The following LRP2 variants were observed in gnomAD, a reference collection of about 807,000 sequenced individuals.
LRP2 encodes the protein LDL receptor related protein 2, also known as low-density lipoprotein receptor-related protein 2.
Under a neutral mutation model 531.0 loss-of-function variants are expected in LRP2, and 172 were observed. The ratio of observed to expected loss-of-function variants is 0.32; its 90% CI spans 0.29 to 0.37. The LOEUF is 0.37. Among genes scored for constraint, LRP2 ranks in the 10% least tolerant of loss-of-function variants. LRP2 has a pLI of 1.00. For synonymous variants in LRP2, 1,992 were observed against 2,027.6 expected (o/e 0.98, Z 0.47); for missense variants, 5,167 against 5,868.3 (o/e 0.88, Z 3.90).
intron 7 of LRP2, among the ~76,000 whole-genome samples, chr2:169,291,992 T>A (rs1187962779): frequency 1.3e-5 from 2 of 152,184 alleles, no homozygotes; most frequent in Non-Finnish European, 2.9e-5. Context: ...AGACAGAGAC[T>A]GTCCTACCTA....
intron 1 of LRP2, among the ~76,000 whole-genome samples, chr2:169,350,790 C>T (rs1007953077): frequency 6.0e-5 from 9 of 149,506 alleles, no homozygotes; most frequent in Non-Finnish European, 1.3e-4. Context: ...GGACAAGTGG[C>T]CCTGGGTCCT....
At chr2:169,294,466 A>T in intron 5 of LRP2, 134 bp downstream of exon 5, 1 of 782,278 alleles carries the variant, frequency 1.3e-6, no homozygotes, top group South Asian at 1.5e-5. Flanking sequence ...AAATACTCCT[A>T]CCAACGGCTG....
intron 1 of LRP2, among the ~76,000 whole-genome samples, chr2:169,329,010 G>T (rs1482002488): frequency 6.6e-6 from 1 of 152,230 alleles, no homozygotes; most frequent in African/African-American, 2.4e-5. Flanking sequence ...AGGTAGTGGA[G>T]CACAGATTTA....
At chr2:169,145,694 G>T in intron 70 of LRP2, 53 bp downstream of exon 70, 4 of 1,555,692 alleles carry the variant, frequency 2.6e-6, no homozygotes, top group Non-Finnish European at 3.5e-6. Context: ...CCATTATTTT[G>T]AAATAAGATT....
rs61381788 is a variant in LRP2 at position 169,158,061 on chromosome 2, TACAC to T, written c.11888-563_11888-560del. Among the ~76,000 whole-genome samples, 239 of 141,464 alleles carry T rather than the reference TACAC, an allele frequency of 1.7e-3. 5 individuals are homozygous for T. In the South Asian group the frequency reaches 0.043, roughly 25 times the overall value. 92.8% of individuals were successfully genotyped at this position (141,464 alleles called of 152,430 possible). A position where few individuals can be genotyped will look rare whatever the true frequency, so the allele number is the denominator to read the frequency against. On this transcript the variant is annotated intron_variant, in intron 63 of 78. Transcript: ENST00000649046. Reference sequence around the variant, plus strand: ...CCCTAACATTGACCAATTGATTATATACACACACACACACACACACACACACACA... The same window carrying T: ...CCCTAACATTGACCAATTGATTATATACACACACACACACACACACACACA...
chr2:169,344,493 T>G, intron 1 of LRP2, among the ~76,000 whole-genome samples: 1 of 152,280 alleles, frequency 6.6e-6, no homozygotes, highest in Non-Finnish European at 1.5e-5. Flanking sequence ...GTAACAACAT[T>G]TTAGTTGTAT....
At chr2:169,161,603 A>G (rs562074854) in intron 63 of LRP2, among the ~76,000 whole-genome samples, 42 of 152,144 alleles carry the variant, frequency 2.8e-4, no homozygotes, top group Admixed American at 7.9e-4. Context: ...CCTCTTGAGT[A>G]TCTGGGACTA....
chr2:169,224,116 A>C (rs1187497266), intron 33 of LRP2, among the ~76,000 whole-genome samples: 1 of 152,210 alleles, frequency 6.6e-6, no homozygotes, highest in Non-Finnish European at 1.5e-5. Context: ...AGTGCTTTTT[A>C]GTATAGATAG....
At chr2:169,202,001 T>G in intron 43 of LRP2, 131 bp from the exon 44 acceptor site, 1 of 1,111,036 alleles carries the variant, frequency 9.0e-7, no homozygotes, top group Non-Finnish European at 1.3e-6. Flanking sequence ...CAAAATGGAC[T>G]GCATGCAAAG....
chr2:169,237,026 C>T (rs1689631177), intron 28 of LRP2, 77 bp downstream of exon 28: 1 of 1,238,952 alleles, frequency 8.1e-7, no homozygotes, highest in South Asian at 1.2e-5. Context: ...ACATGCATAT[C>T]AGCTACATCA....
chr2:169,208,748 C>T (rs10188487), intron 38 of LRP2, among the ~76,000 whole-genome samples: 37,317 of 152,054 alleles, frequency 0.25, 4,983 homozygotes, highest in East Asian at 0.37. Context: ...TGAGCCACTG[C>T]GCCCTGCCTA....
intron 53 of LRP2, among the ~76,000 whole-genome samples, chr2:169,176,846 T>C (rs561200418): frequency 2.0e-5 from 3 of 152,332 alleles, no homozygotes; most frequent in Non-Finnish European, 2.9e-5. Flanking sequence ...CTAGAAAAGA[T>C]GTGTTTCTCC....
chr2:169,339,187 C>T (rs1685498726), intron 1 of LRP2, among the ~76,000 whole-genome samples: 1 of 151,656 alleles, frequency 6.6e-6, no homozygotes, highest in Non-Finnish European at 1.5e-5. Flanking sequence ...TCATCTGCAA[C>T]CCAGTTTGAA....
chr2:169,160,825 A>C lies in LRP2; in HGVS notation c.11887+1647T>G, dbSNP rs1463186207. Among the ~76,000 whole-genome samples the C allele has an allele frequency of 3.3e-5, 5 of 152,336 alleles. No individual in the cohort carries two copies. In the East Asian group the frequency reaches 5.8e-4, roughly 18 times the overall value. Reference sequence around the variant, plus strand: ...AAATTCTATCATGTTCAGGCTTTTAAAATATTTTATCAAGTCACTTCATTC... The same window carrying C: ...AAATTCTATCATGTTCAGGCTTTTACAATATTTTATCAAGTCACTTCATTC... On this transcript the variant is annotated intron_variant, in intron 63 of 78. Coordinates refer to ENST00000649046, the MANE Select transcript of LRP2 (RefSeq NM_004525.3).
chr2:169,298,856 C>T (rs1397676728), intron 4 of LRP2, among the ~76,000 whole-genome samples: 3 of 151,772 alleles, frequency 2.0e-5, no homozygotes, highest in Admixed American at 6.6e-5. Context: ...GAAGGTACCA[C>T]CACGACTCCC....
chr2:169,185,622 A>G lies in LRP2; in HGVS notation c.9726T>C (p.Tyr3242=), dbSNP rs1481987659. The part of the protein sequence containing the change: ...LDFDRVEKRL[Y]WIDTQRQVIE... The stretch of plus-strand genomic sequence containing the variant: ...TGACTTGCCTCTGTGTATCAATCCA[A>G]TACAATCTCTTCTCTACTCGGTCAA... Residue 3242 remains tyrosine, a synonymous_variant, in exon 50 of 79, where the codon TAT becomes TAC. Coordinates refer to ENST00000649046, the MANE Select transcript of LRP2 (RefSeq NM_004525.3). 9.9e-6 allele frequency: 16 copies of G among 1,614,182 alleles called. No homozygotes were observed. The highest frequency in any genetic ancestry group is 1.3e-5 in the African/African-American group (1 of 75,040).
At chr2:169,262,635 A>G (rs1690609121) in intron 16 of LRP2, among the ~76,000 whole-genome samples, 1 of 150,488 alleles carries the variant, frequency 6.6e-6, no homozygotes, top group Admixed American at 6.7e-5. Context: ...GCTCATGGGT[A>G]GGAAGAATCA....
chr2:169,276,961 G>A (rs1027034117), intron 13 of LRP2, among the ~76,000 whole-genome samples: 2 of 152,012 alleles, frequency 1.3e-5, no homozygotes, highest in African/African-American at 2.4e-5. Context: ...TTGGGAGGCT[G>A]AGGCAGGCGA....
Position 169,174,174 on chromosome 2 carries a change from G to C in LRP2, c.10769-10C>G, listed in dbSNP as rs759193631. On this transcript the variant is annotated splice_polypyrimidine_tract_variant and intron_variant, in intron 55 of 78. Transcript: ENST00000649046. ...TCACAGTGGTGATTCTCTGAGAGCA[G>C]GGACATTTGGTTATCAGCTTGGAAG... The C allele has an allele frequency of 6.2e-7, 1 of 1,614,194 alleles. No homozygotes were observed. The highest frequency in any genetic ancestry group is 8.5e-7 in the Non-Finnish European group (1 of 1,180,046).
Sources: gnomAD v4.1 joint callset for allele counts (sites outside exome capture counted in the v4.1 genomes callset) on GRCh38, gnomAD v4.1.1 for gene constraint, MANE v1.5 for transcripts, NCBI Gene and HGNC (gene_info 2026-07-23, HGNC 2026-07-21) for gene names.